Variants in TAF7L observed in about 807,000 individuals in gnomAD.
TAF7L encodes the protein TATA-box binding protein associated factor 7 like, also known as transcription initiation factor TFIID subunit 7-like.
A neutral mutation model predicts 30.2 loss-of-function variants in TAF7L; 6 were observed. That is an observed-to-expected ratio of 0.20 (90% confidence interval 0.11 to 0.39). The LOEUF (loss-of-function observed/expected upper bound fraction) is 0.39, where lower values mean the gene tolerates loss of function less well. Among genes scored for constraint, TAF7L ranks in the 10% least tolerant of loss-of-function variants. The probability of loss-of-function intolerance (pLI) is 1.00; values close to 1 mark genes in which losing one functional copy is unlikely to be tolerated. For synonymous variants in TAF7L, 93 were observed against 94.5 expected (o/e 0.98, Z 0.09); for missense variants, 284 against 277.1 (o/e 1.03, Z -0.18).
upstream of TAF7L, among the ~76,000 whole-genome samples, chrX:101,292,252 T>TA (rs1360464998): frequency 2.1e-4 from 5 of 23,758 alleles, no homozygotes; most frequent in African/African-American, 1.3e-3. Context: ...AAAAAAAAAA[T>TA]AAATAAAAAA....
rs368681162 is a variant in TAF7L, at chrX:101,277,503, GTT to G, written c.691+101_691+102del. The G allele has an allele frequency of 7.2e-3, 2,278 of 315,926 alleles. 53 individuals are homozygous for G. The highest frequency in any genetic ancestry group is 0.057 in the African/African-American group (1,821 of 31,786). The allele number at this position is 315,926 out of a possible 1,213,427, so 26.0% of individuals were successfully genotyped here. A position where few individuals can be genotyped will look rare whatever the true frequency, so the allele number is the denominator to read the frequency against. On this transcript the variant is annotated intron_variant, in intron 9 of 12. Transcript: ENST00000356784. ...GGACGAAACCATCCTTTTTTTCTGGGTTTTTTTTTTTTTGGATTGGCCTATGA... is the reference window on the plus strand; with the variant it reads ...GGACGAAACCATCCTTTTTTTCTGGGTTTTTTTTTTTGGATTGGCCTATGA...
chrX:101,276,201 G>A lies in TAF7L; in HGVS notation c.914-89C>T, dbSNP rs1726796301. On this transcript the variant is annotated intron_variant, in intron 10 of 12. Transcript: ENST00000356784. ...ATCAAGTAAAACTCTACTACACATCGAAGCGATAACTTCTTGAGCTTAGCT... is the reference window on the plus strand; with the variant it reads ...ATCAAGTAAAACTCTACTACACATCAAAGCGATAACTTCTTGAGCTTAGCT... 7.6e-6 allele frequency: 9 copies of A among 1,179,702 alleles called. No homozygotes were observed. In the South Asian group the frequency reaches 7.8e-5, roughly 10 times the overall value.
chrX:101,281,885 CTTT>C (rs150397187), intron 5 of TAF7L, 110 bp from the exon 6 acceptor site: 6,490 of 425,294 alleles, frequency 0.015, no homozygotes, highest in Middle Eastern at 0.018. Flanking sequence ...GACATCACTC[CTTT>C]TTTTTTTTTT....
At chrX:101,284,345 G>T (rs1485818179) in intron 3 of TAF7L, among the ~76,000 whole-genome samples, 2 of 111,685 alleles carry the variant, frequency 1.8e-5, no homozygotes, top group African/African-American at 6.5e-5. Context: ...TTCTCCTTTC[G>T]AACTTTTCTT....
chrX:101,279,397 G>A (rs1051289790), intron 6 of TAF7L, among the ~76,000 whole-genome samples: 20 of 111,540 alleles, frequency 1.8e-4, no homozygotes, highest in African/African-American at 5.2e-4. Flanking sequence ...CAAGGCGGGC[G>A]GATCACGTGA....
At chrX:101,285,788 T>C (rs751984537) in intron 3 of TAF7L, among the ~76,000 whole-genome samples, 1 of 111,396 alleles carries the variant, frequency 9.0e-6, no homozygotes, top group African/African-American at 3.3e-5. Context: ...GGTTATTTGT[T>C]TTCTTGCTAT....
upstream of TAF7L, among the ~76,000 whole-genome samples, chrX:101,291,489 G>A (rs1924803688): frequency 1.8e-5 from 2 of 110,965 alleles, no homozygotes; most frequent in African/African-American, 6.5e-5. Context: ...CGAAAGGCGC[G>A]GAGCGCCGAG....
intron 6 of TAF7L, 73 bp from the exon 7 acceptor site, chrX:101,279,108 A>G: frequency 1.2e-6 from 1 of 852,609 alleles, no homozygotes; most frequent in Non-Finnish European, 1.7e-6. Flanking sequence ...GAGCTCTACA[A>G]CTATCCTTAA....
upstream of TAF7L, chrX:101,292,796 C>G: frequency 8.3e-7 from 1 of 1,207,236 alleles, no homozygotes; most frequent in Non-Finnish European, 1.1e-6. Context: ...CTACCTTTCC[C>G]TTCCTGGAAG....
intron 6 of TAF7L, among the ~76,000 whole-genome samples, chrX:101,280,716 G>A (rs1219005107): frequency 9.0e-6 from 1 of 111,557 alleles, no homozygotes; most frequent in Admixed American, 9.6e-5. Context: ...AAACAACCCA[G>A]ATGTCCTTCA....
At chrX:101,285,234 G>A (rs1258803495) in intron 3 of TAF7L, among the ~76,000 whole-genome samples, 2 of 110,856 alleles carry the variant, frequency 1.8e-5, no homozygotes, top group Admixed American at 9.6e-5. Context: ...AGTAGCTCAC[G>A]CCTGTAATCC....
chrX:101,280,140 A>C (rs1924360850), intron 6 of TAF7L, among the ~76,000 whole-genome samples: 1 of 111,092 alleles, frequency 9.0e-6, no homozygotes, highest in Non-Finnish European at 1.9e-5. Context: ...TTTTCAAAAA[A>C]ATCAATATAT....
intron 11 of TAF7L, 42 bp from the exon 12 acceptor site, chrX:101,275,323 A>AT: frequency 2.3e-6 from 2 of 875,682 alleles, no homozygotes; most frequent in Non-Finnish European, 3.1e-6. Flanking sequence ...TGAGTCTCAA[A>AT]GAAAAAAAAA....
intron 1 of TAF7L, among the ~76,000 whole-genome samples, chrX:101,289,208 G>A (rs1003105907): frequency 7.1e-5 from 8 of 111,918 alleles, no homozygotes; most frequent in African/African-American, 2.6e-4. Context: ...ATTCATCCAC[G>A]TTGTTGCAAA....
In TAF7L at chrX:101,268,427, A is replaced by C. The variant is rs1468521202; in HGVS notation, c.*766T>G. Reference sequence around the variant, plus strand: ...GGTTAGGAGGAGAAGGCTCAGAATAAGGATAACAGTTCATAATTTCTTCAT... The same window carrying C: ...GGTTAGGAGGAGAAGGCTCAGAATACGGATAACAGTTCATAATTTCTTCAT... On this transcript the variant is annotated 3_prime_UTR_variant, in exon 13 of 13. Transcript: ENST00000356784. 8.9e-6 allele frequency: 1 copy of C among 112,086 alleles called. No individual in the cohort carries two copies. The highest frequency in any genetic ancestry group is 1.9e-5 in the Non-Finnish European group (1 of 53,277). 9.2% of individuals were successfully genotyped at this position (112,086 alleles called of 1,213,427 possible). A position where few individuals can be genotyped will look rare whatever the true frequency, so the allele number is the denominator to read the frequency against.
Position 101,278,076 on chromosome X carries a change from G to A in TAF7L, c.550C>T (p.Arg184Cys), listed in dbSNP as rs756043607. 5.0e-6 allele frequency: 6 copies of A among 1,209,012 alleles called. No homozygotes were observed. Among genetic ancestry groups the A allele is most frequent in the South Asian group, 1.8e-5 (1 of 56,779 alleles). The stretch of plus-strand genomic sequence containing the variant: ...GTACTTACGGCTTCAGCATCCGAAC[G>A]CAGCAGTCTCTTTACTTCATTTTCC... Reference protein sequence around the residue: ...DVENEVKRLLRSDAEAVSTRW... With the variant: ...DVENEVKRLLCSDAEAVSTRW... The change falls in exon 8 of 13, where the codon CGT becomes TGT. Residue 184 changes from arginine (R) to cysteine (C), a missense_variant. Coordinates refer to ENST00000356784, the MANE Select transcript of TAF7L (RefSeq NM_001168474.2).
At chrX:101,283,793 T>C (rs766295693) in intron 3 of TAF7L, among the ~76,000 whole-genome samples, 2 of 112,151 alleles carry the variant, frequency 1.8e-5, no homozygotes, top group South Asian at 3.7e-4. Flanking sequence ...TTTACGTCAC[T>C]TGTGCAAAAG....
Position 101,276,415 on chromosome X carries a change from TGTCTTC to T in TAF7L, c.799_804del (p.Glu267_Asp268del). The T allele has an allele frequency of 8.3e-7, 1 of 1,204,430 alleles. No homozygotes were observed. Among genetic ancestry groups the T allele is most frequent in the Non-Finnish European group, 1.1e-6 (1 of 892,063 alleles). On this transcript the variant is annotated inframe_deletion, in exon 10 of 13. Coordinates refer to ENST00000356784, the MANE Select transcript of TAF7L (RefSeq NM_001168474.2). ...GAACAATCTTCCTCCTCCTCTTCTT[TGTCTTC>T]ATCTTCATCCTCATCCTCATCCTCA... is the stretch of plus-strand genomic sequence containing the variant.
chrX:101,271,660 A>T (rs1375301636), intron 12 of TAF7L, among the ~76,000 whole-genome samples: 1 of 111,822 alleles, frequency 8.9e-6, no homozygotes, highest in African/African-American at 3.2e-5. Flanking sequence ...TGAAGACTAT[A>T]TAAACACTAT....
Sources: allele counts gnomAD v4.1 joint callset (sites outside exome capture counted in the v4.1 genomes callset), GRCh38; gene constraint gnomAD v4.1.1; transcripts MANE v1.5; gene names NCBI Gene and HGNC (gene_info 2026-07-23, HGNC 2026-07-21).